Variants in LARP1B observed in about 807,000 individuals in gnomAD.
LARP1B encodes la-related protein 1B.
Under a neutral mutation model 114.2 loss-of-function variants are expected in LARP1B, and 76 were observed. The observed-to-expected ratio is 0.67, with a 90% CI of 0.55 to 0.81. The LOEUF is 0.81. Ranked by LOEUF, LARP1B falls within the 30% of genes least tolerant of loss-of-function variation. LARP1B has a pLI of 0.00. For synonymous variants in LARP1B, 345 were observed against 348.0 expected, an observed-to-expected ratio of 0.99 and a Z score of 0.10; for missense variants, 1,014 against 1,075.8, an observed-to-expected ratio of 0.94 and a Z score of 0.80.
intron 12 of LARP1B, among the ~76,000 whole-genome samples, chr4:128,168,592 T>C (rs770325313): frequency 2.6e-5 from 4 of 152,080 alleles, no homozygotes; most frequent in Non-Finnish European, 5.9e-5. Context: ...ATGTGGCTTG[T>C]CTTAATTAGT....
chr4:128,217,748 C>G (rs1217619800), intron 6 of LARP1B, among the ~76,000 whole-genome samples: 3 of 100,396 alleles, frequency 3.0e-5, no homozygotes, highest in East Asian at 3.1e-4. Flanking sequence ...CAGGGATGCC[C>G]TCTCTCACCG....
chr4:128,069,380 C>A (rs998884530), intron 1 of LARP1B: 16 of 766,714 alleles, frequency 2.1e-5, no homozygotes, highest in Non-Finnish European at 3.6e-5. Flanking sequence ...GATGGACAGG[C>A]TTGCCATAAG....
intron 5 of LARP1B, among the ~76,000 whole-genome samples, chr4:128,087,792 T>A (rs186895734): frequency 6.6e-6 from 1 of 152,042 alleles, no homozygotes; most frequent in East Asian, 1.9e-4. Flanking sequence ...GGCAGGAGGA[T>A]TGCTTGAGCC....
chr4:128,181,471 C>T lies in LARP1B; in HGVS notation c.2003+1959C>T, dbSNP rs559300339. ...GGGATTACAGGCATGAGCCACACTG[C>T]GCCCAGCTGTCTCATCTATTCTTCA... is the stretch of plus-strand genomic sequence containing the variant. On this transcript the variant is annotated intron_variant, in intron 15 of 19. Transcript: ENST00000326639. Among the ~76,000 whole-genome samples the T allele has an allele frequency of 7.9e-5, 12 of 152,232 alleles. No individual in the cohort carries two copies. The East Asian group carries it at 9.7e-4, about 12-fold the overall frequency.
chr4:128,061,763 G>C (rs1384706781), intron 1 of LARP1B: 1 of 984,852 alleles, frequency 1.0e-6, no homozygotes, highest in Non-Finnish European at 1.2e-6. Flanking sequence ...TGCTGAGAGG[G>C]AGTCGCTGTT....
intron 9 of LARP1B, among the ~76,000 whole-genome samples, chr4:128,111,661 G>A (rs1784151994): frequency 2.0e-5 from 3 of 150,692 alleles, no homozygotes; most frequent in African/African-American, 7.3e-5. Flanking sequence ...TATGATCATG[G>A]CACTGTACAG....
intron 12 of LARP1B, among the ~76,000 whole-genome samples, chr4:128,163,935 G>A (rs895858628): frequency 3.9e-5 from 6 of 152,026 alleles, no homozygotes; most frequent in Non-Finnish European, 7.4e-5. Flanking sequence ...TGTCAGTACC[G>A]GATCTGCTAC....
At chr4:128,064,462 T>C (rs1453602179) in intron 1 of LARP1B, among the ~76,000 whole-genome samples, 1 of 152,214 alleles carries the variant, frequency 6.6e-6, no homozygotes, top group Non-Finnish European at 1.5e-5. Context: ...TTGCTCTGGA[T>C]TTAATATTGG....
chr4:128,220,798 C>T (rs933816326), intron 7 of LARP1B, among the ~76,000 whole-genome samples: 1 of 152,146 alleles, frequency 6.6e-6, no homozygotes, highest in Non-Finnish European at 1.5e-5. Flanking sequence ...GTAGTTAAGT[C>T]ACACAGCAAG....
intron 4 of LARP1B, among the ~76,000 whole-genome samples, chr4:128,081,077 CTT>C (rs4000703): frequency 0.58 from 73,207 of 127,306 alleles, 19,648 homozygotes; most frequent in Middle Eastern, 0.71. Flanking sequence ...TGTATATATA[CTT>C]TTTTTTTTTT....
Position 128,210,128 on chromosome 4 carries a change from G to A in LARP1B, c.*75G>A. 1.3e-6 allele frequency: 2 copies of A among 1,596,792 alleles called. No homozygotes were observed. The highest frequency in any genetic ancestry group is 1.7e-4 in the Middle Eastern group (1 of 5,950). On this transcript the variant is annotated 3_prime_UTR_variant, in exon 20 of 20. Coordinates refer to ENST00000326639, the MANE Select transcript of LARP1B (RefSeq NM_018078.4). The stretch of plus-strand genomic sequence containing the variant: ...AAATAGACTCTTATGAAAGTTCTTT[G>A]TCCTTGAAGTCAACATTTACATCAG...
At chr4:128,122,294 T>A in intron 11 of LARP1B, 106 bp downstream of exon 11, 1 of 1,523,448 alleles carries the variant, frequency 6.6e-7, no homozygotes, top group Non-Finnish European at 8.8e-7. Flanking sequence ...ATGTTGAATA[T>A]AAATACATTG....
At chr4:128,201,187 C>A (rs1755814370) in intron 17 of LARP1B, among the ~76,000 whole-genome samples, 1 of 152,156 alleles carries the variant, frequency 6.6e-6, no homozygotes, top group African/African-American at 2.4e-5. Context: ...ATACAACCTG[C>A]ACTTGGAAGT....
intron 5 of LARP1B, among the ~76,000 whole-genome samples, chr4:128,085,559 A>G (rs1424503436): frequency 6.6e-6 from 1 of 151,962 alleles, no homozygotes; most frequent in Non-Finnish European, 1.5e-5. Flanking sequence ...CTTTAGAGAC[A>G]GTCTTGCTTC....
At position 128,210,639 on chromosome 4, in the gene LARP1B, AAGT is replaced by A. The variant is rs1460556489; in HGVS notation, c.*589_*591del. ...TTAAAGAAAACTTTTTTTAAAACAAAAGTAGGAATATATAGTAAGATTGTAGTT... is the reference window on the plus strand; with the variant it reads ...TTAAAGAAAACTTTTTTTAAAACAAAAGGAATATATAGTAAGATTGTAGTT... On this transcript the variant is annotated 3_prime_UTR_variant, in exon 20 of 20. Coordinates refer to ENST00000326639, the MANE Select transcript of LARP1B (RefSeq NM_018078.4). The A allele has an allele frequency of 1.1e-6, 1 of 951,306 alleles. No individual in the cohort carries two copies. Among genetic ancestry groups the A allele is most frequent in the Non-Finnish European group, 1.3e-6 (1 of 798,942 alleles). The allele number at this position is 951,306 out of a possible 1,614,324, so 58.9% of individuals were successfully genotyped here. A position where few individuals can be genotyped will look rare whatever the true frequency, so the allele number is the denominator to read the frequency against.
chr4:128,104,394 G>A (rs1359796805), intron 8 of LARP1B, among the ~76,000 whole-genome samples: 1 of 151,930 alleles, frequency 6.6e-6, no homozygotes, highest in Non-Finnish European at 1.5e-5. Flanking sequence ...TCTGTTTTTT[G>A]GTAGTTTTTC....
intron 7 of LARP1B, among the ~76,000 whole-genome samples, chr4:128,097,156 C>T (rs891525291): frequency 1.3e-5 from 2 of 152,172 alleles, no homozygotes; most frequent in Non-Finnish European, 2.9e-5. Flanking sequence ...CCTCAGCCTC[C>T]GAAGGTGCTG....
intron 1 of LARP1B, among the ~76,000 whole-genome samples, chr4:128,065,252 A>ATTTATTT (rs1561009396): frequency 2.8e-4 from 31 of 109,008 alleles, no homozygotes; most frequent in East Asian, 1.0e-3. Flanking sequence ...TCCCACAATT[A>ATTTATTT]ATTTCTTTCT....
chr4:128,210,552 G>A lies in LARP1B; in HGVS notation c.*499G>A. On this transcript the variant is annotated 3_prime_UTR_variant, in exon 20 of 20. Transcript: ENST00000326639. ...CAAAACAAAGGAGGATTACGTATAT[G>A]TTTTTTAAATTCAAAAAAGAATATG... 1.0e-6 allele frequency: 1 copy of A among 958,716 alleles called. No individual in the cohort carries two copies. Among genetic ancestry groups the A allele is most frequent in the Non-Finnish European group, 1.2e-6 (1 of 805,452 alleles). 59.4% of individuals were successfully genotyped at this position (958,716 alleles called of 1,614,324 possible).
Sources: allele counts gnomAD v4.1 joint callset (sites outside exome capture counted in the v4.1 genomes callset), GRCh38; gene constraint gnomAD v4.1.1; transcripts MANE v1.5; gene names NCBI Gene and HGNC (gene_info 2026-07-23, HGNC 2026-07-21).